The following DBP variants were observed in gnomAD, a reference collection of about 807,000 sequenced individuals.
DBP encodes the protein D site-binding protein.
Under a neutral mutation model 21.4 loss-of-function variants are expected in DBP, and 12 were observed. The observed-to-expected ratio is 0.56, with a 90% confidence interval of 0.36 to 0.91. DBP has a LOEUF of 0.91. Among genes scored for constraint, DBP ranks in the 40% least tolerant of loss-of-function variants. The pLI, the probability that DBP is intolerant of heterozygous loss-of-function variation, is 0.01. For missense variants in DBP, 423 were observed against 473.4 expected (o/e 0.89, Z 0.99); for synonymous variants, 213 against 224.9 (o/e 0.95, Z 0.47).
chr19:48,630,326 C>G lies in DBP; in HGVS notation c.*511G>C. ...GGGGAAATTCATATCCCCTGTTCGTCTCATGCGCGTCCTCCGTCCCCAATC... is the reference window on the plus strand; with the variant it reads ...GGGGAAATTCATATCCCCTGTTCGTGTCATGCGCGTCCTCCGTCCCCAATC... On this transcript the variant is annotated 3_prime_UTR_variant, in exon 4 of 4. Transcript: ENST00000222122. The surrounding 1 kb of genome is among the most constrained non-coding windows in gnomAD (Gnocchi z 4.9). 1 of 1,307,282 alleles carries G rather than the reference C, an allele frequency of 7.6e-7. No homozygotes were observed. Among genetic ancestry groups the G allele is most frequent in the Non-Finnish European group, 9.7e-7 (1 of 1,028,916 alleles). The allele number at this position is 1,307,282 out of a possible 1,614,324, so 81.0% of individuals were successfully genotyped here. A position where few individuals can be genotyped will look rare whatever the true frequency, so the allele number is the denominator to read the frequency against.
rs2030672702 is a variant in DBP, at chr19:48,633,513, T to C, written c.693A>G (p.Ser231=). The C allele has an allele frequency of 1.2e-6, 2 of 1,614,080 alleles. No homozygotes were observed. Among genetic ancestry groups the C allele is most frequent in the Non-Finnish European group, 1.7e-6 (2 of 1,180,036 alleles). The change falls in exon 3 of 4, where the codon TCA becomes TCG. Residue 231 remains serine (S), a synonymous_variant. Transcript: ENST00000222122. ...TTGGCTGGGGCTTAAGTTCCTCTTC[T>C]GAGAAGCGATGTCTTCGAGGGTCAA... ...ETFDPRRHRF[S]EEELKPQPIM... is the part of the protein sequence containing the mutation.
intron 3 of DBP, chr19:48,631,391 C>T (rs1026893250): frequency 3.5e-6 from 1 of 289,602 alleles, no homozygotes; most frequent in Non-Finnish European, 6.7e-6. Flanking sequence ...GGTCTGAGGG[C>T]TTCTCCCAAT....
At position 48,635,810 on chromosome 19, in the gene DBP, C is replaced by A; in HGVS notation, c.320G>T (p.Arg107Leu). The change falls in exon 2 of 4, where the codon CGC becomes CTC. Residue 107 changes from arginine to leucine, a missense_variant. By Grantham distance (102) the Arg-to-Leu change is moderately radical (BLOSUM62 -2). Coordinates refer to ENST00000222122, the MANE Select transcript of DBP (RefSeq NM_001352.5). ...PGLLAPLLWE[R>L]TLPFGDVEYV... ...CTCCACATCGCCGAACGGCAGCGTG[C>A]GCTCCCACAGCAGTGGCGCCAACAG... The A allele has an allele frequency of 7.0e-7, 1 of 1,433,730 alleles. No homozygotes were observed. Among genetic ancestry groups the A allele is most frequent in the Admixed American group, 3.1e-5 (1 of 32,614 alleles). 88.8% of individuals were successfully genotyped at this position (1,433,730 alleles called of 1,614,324 possible). A position where few individuals can be genotyped will look rare whatever the true frequency, so the allele number is the denominator to read the frequency against.
In DBP at chr19:48,636,960, G is replaced by A. The variant is rs745673197; in HGVS notation, c.35C>T (p.Pro12Leu). ...CCCGGCCGGGCCGCCCAGCAGCAGA[G>A]GGGCCGGGGTCCTGTCGCTCACAGG... is the stretch of plus-strand genomic sequence containing the variant. ...ARPVSDRTPA[P>L]LLLGGPAGTP... The change falls in exon 1 of 4, where the codon CCT becomes CTT. Residue 12 changes from proline to leucine, a missense_variant. Coordinates refer to ENST00000222122, the MANE Select transcript of DBP (RefSeq NM_001352.5). 5.2e-6 allele frequency: 8 copies of A among 1,548,538 alleles called. No homozygotes were observed. The highest frequency in any genetic ancestry group is 2.3e-4 in the Middle Eastern group (1 of 4,378).
At chr19:48,636,102 G>A (rs1269950016) in intron 1 of DBP, 112 bp from the exon 2 acceptor site, 7 of 1,083,198 alleles carry the variant, frequency 6.5e-6, no homozygotes, top group East Asian at 3.2e-5. Context: ...AAGAGGGGAC[G>A]GGGGGTCGGA....
chr19:48,633,575 C>A lies in DBP; in HGVS notation c.631G>T (p.Asp211Tyr). The change falls in exon 3 of 4, where the codon GAT (aspartate) becomes TAT (tyrosine). Residue 211 changes from aspartate (D) to tyrosine (Y), a missense_variant. Physicochemically the swap from Asp to Tyr is radical, Grantham distance 160. Around this residue, in one of 4 missense-constraint regions of DBP, gnomAD observed 77 missense variants for 97.1 expected, o/e 0.79. Coordinates refer to ENST00000222122, the MANE Select transcript of DBP (RefSeq NM_001352.5). ...VLMTFEPDPADLALSSIPGHE... is the reference protein window; with the variant it reads ...VLMTFEPDPAYLALSSIPGHE... ...CCAGGAATGCTTGATAGGGCAAGAT[C>A]AGCTGGGTCGGGTTCAAAGGTCATC... The A allele has an allele frequency of 6.2e-7, 1 of 1,614,190 alleles. No individual in the cohort carries two copies. The highest frequency in any genetic ancestry group is 1.7e-5 in the Admixed American group (1 of 60,020).
At chr19:48,631,292 G>A (rs530306588) in intron 3 of DBP, 57 of 554,214 alleles carry the variant, frequency 1.0e-4, no homozygotes, top group Middle Eastern at 4.8e-4. Flanking sequence ...CTGCAAAGCG[G>A]ACCCCAGCCC....
At chr19:48,634,697 A>C (rs1476143865) in intron 2 of DBP, 5 of 985,328 alleles carry the variant, frequency 5.1e-6, no homozygotes, top group Admixed American at 6.1e-5. Flanking sequence ...GGGAGGACTC[A>C]CGTGGCGCAG....
At position 48,637,008 on chromosome 19, in the gene DBP, C is replaced by G. The variant is rs774659051; in HGVS notation, c.-14G>C. 13 of 1,479,824 alleles carry G rather than the reference C, an allele frequency of 8.8e-6. No homozygotes were observed. In the Admixed American group the frequency reaches 3.1e-4, roughly 35 times the overall value. 91.7% of individuals were successfully genotyped at this position (1,479,824 alleles called of 1,614,324 possible). On this transcript the variant is annotated 5_prime_UTR_variant, in exon 1 of 4. Coordinates refer to ENST00000222122, the MANE Select transcript of DBP (RefSeq NM_001352.5). ...AGGCCGCGCCATCGCCTGGCACCTG[C>G]CCCCAGGCTCACGGGTTCATGGAGA...
chr19:48,635,352 C>T (rs936479950), intron 2 of DBP: 1 of 1,332,950 alleles, frequency 7.5e-7, no homozygotes, highest in Non-Finnish European at 9.7e-7. Flanking sequence ...ATTGGGCAGG[C>T]TTCCTGGAAT....
At chr19:48,631,252 C>T in intron 3 of DBP, 200 bp from the exon 4 acceptor site, 2 of 585,058 alleles carry the variant, frequency 3.4e-6, no homozygotes, top group Non-Finnish European at 3.0e-6. Context: ...AGACCCCCCA[C>T]CCTCAAGCAA....
chr19:48,635,489 T>TCCCACGGTCCCAGCC (rs2030749390), intron 2 of DBP, 91 bp downstream of exon 2: 1 of 1,480,068 alleles, frequency 6.8e-7, no homozygotes, highest in East Asian at 2.9e-5. Flanking sequence ...CGCAGCCAGG[T>TCCCACGGTCCCAGCC]CCCACGGTCC....
chr19:48,634,005 C>T (rs960682335), intron 2 of DBP: 2 of 319,964 alleles, frequency 6.3e-6, no homozygotes, highest in African/African-American at 4.3e-5. Flanking sequence ...GAGGCTGAGG[C>T]TGGAGAATTG....
intron 2 of DBP, chr19:48,634,081 G>A (rs1178119321): frequency 3.3e-5 from 6 of 184,032 alleles, no homozygotes; most frequent in South Asian, 1.9e-4. Flanking sequence ...ACTCCAGCCC[G>A]GACAACAGAG....
In DBP at chr19:48,630,167, C is replaced by T; in HGVS notation, c.*670G>A. On this transcript the variant is annotated 3_prime_UTR_variant, in exon 4 of 4. Transcript: ENST00000222122. The surrounding 1 kb of genome is among the most constrained non-coding windows in gnomAD (Gnocchi z 4.9). Reference sequence around the variant, plus strand: ...GCTGGGGTAGGCCTCAGTGAGTCGGCCGGTCAGGGCCCGCAGCCTCGCCCC... The same window carrying T: ...GCTGGGGTAGGCCTCAGTGAGTCGGTCGGTCAGGGCCCGCAGCCTCGCCCC... 8.1e-7 allele frequency: 1 copy of T among 1,239,398 alleles called. No individual in the cohort carries two copies. Among genetic ancestry groups the T allele is most frequent in the Non-Finnish European group, 1.0e-6 (1 of 989,112 alleles). 76.8% of individuals were successfully genotyped at this position (1,239,398 alleles called of 1,614,324 possible).
intron 2 of DBP, chr19:48,633,961 G>A (rs1231434771): frequency 2.1e-5 from 8 of 381,530 alleles, no homozygotes; most frequent in South Asian, 2.0e-4. Flanking sequence ...TTGCCCAGGT[G>A]TAGTGGCGGG....
At chr19:48,633,394 G>T in intron 3 of DBP, 50 bp downstream of exon 3, 1 of 1,576,478 alleles carries the variant, frequency 6.3e-7, no homozygotes, top group Non-Finnish European at 8.7e-7. Context: ...CTCCCTGGCT[G>T]TGGGGCATGT....
chr19:48,634,024 C>G, intron 2 of DBP: 1 of 297,762 alleles, frequency 3.4e-6, no homozygotes, highest in Non-Finnish European at 6.5e-6. Context: ...TGCTTGAACC[C>G]GGACCCTGGA....
rs776469382 is a variant in DBP at position 48,630,673 on chromosome 19, G to C, written c.*164C>G. ...ACCCTCCCCGCCCCCGCAAGGGAGGGGGGAGGCTCGCTTTTTCTTAAAAAT... is the reference window on the plus strand; with the variant it reads ...ACCCTCCCCGCCCCCGCAAGGGAGGCGGGAGGCTCGCTTTTTCTTAAAAAT... On this transcript the variant is annotated 3_prime_UTR_variant, in exon 4 of 4. Transcript: ENST00000222122. This position sits in a 1 kb window ranked among gnomAD's most constrained non-coding sequence, Gnocchi z 4.9. The C allele has an allele frequency of 1.3e-5, 19 of 1,438,438 alleles. No individual in the cohort carries two copies. Among genetic ancestry groups the C allele is most frequent in the Non-Finnish European group, 1.6e-5 (18 of 1,091,458 alleles). 89.1% of individuals were successfully genotyped at this position (1,438,438 alleles called of 1,614,324 possible).
Sources: allele counts gnomAD v4.1 joint callset, GRCh38; gene constraint gnomAD v4.1.1; regional missense constraint gnomAD v4.1.1; non-coding constraint Gnocchi (gnomAD v3.1); transcripts MANE v1.5; gene names NCBI Gene and HGNC (gene_info 2026-07-23, HGNC 2026-07-21).